The following BCAR1 variants were observed in gnomAD, a reference collection of about 807,000 sequenced individuals.
BCAR1 encodes the protein breast cancer anti-estrogen resistance protein 1.
A neutral mutation model predicts 67.6 loss-of-function variants in BCAR1; 30 were observed. The ratio of observed to expected loss-of-function variants is 0.44; its 90% CI spans 0.33 to 0.60. The LOEUF (loss-of-function observed/expected upper bound fraction) is 0.60, where lower values mean the gene tolerates loss of function less well. Ranked by LOEUF, BCAR1 falls within the 20% of genes least tolerant of loss-of-function variation. The probability of loss-of-function intolerance (pLI) is 0.02; values close to 1 mark genes in which losing one functional copy is unlikely to be tolerated. For missense variants in BCAR1, 1,313 were observed against 1,222.3 expected (o/e 1.07, Z -1.11); for synonymous variants, 626 against 556.7 (o/e 1.12, Z -1.75).
At chr16:75,258,047 G>A (rs2077821787) in intron 1 of BCAR1, among the ~76,000 whole-genome samples, 1 of 152,186 alleles carries the variant, frequency 6.6e-6, no homozygotes. Flanking sequence ...TGGCACAGGT[G>A]GCCGGCAAAC....
chr16:75,252,263 G>A, upstream of BCAR1: 6 of 1,536,712 alleles, frequency 3.9e-6, no homozygotes, highest in Non-Finnish European at 5.2e-6. Flanking sequence ...GACATCTGGG[G>A]ACTCGGGCTG....
chr16:75,266,711 C>T (rs2078014172), intron 1 of BCAR1: 22 of 1,409,134 alleles, frequency 1.6e-5, no homozygotes, highest in Non-Finnish European at 1.9e-5. Context: ...TGAGATCCCT[C>T]ACCCACTCAA....
chr16:75,248,017 A>G lies in BCAR1; in HGVS notation c.12+3454T>C, dbSNP rs757362813. 6.4e-6 allele frequency: 8 copies of G among 1,250,720 alleles called. No individual in the cohort carries two copies. The Admixed American group carries it at 1.3e-4, about 21-fold the overall frequency. The allele number at this position is 1,250,720 out of a possible 1,614,324, so 77.5% of individuals were successfully genotyped here. ...CTCTTTCCCACACAGCCACCAGCTCATTTAACCCTCAAAACAACCCCATAA... is the reference window on the plus strand; with the variant it reads ...CTCTTTCCCACACAGCCACCAGCTCGTTTAACCCTCAAAACAACCCCATAA... On this transcript the variant is annotated intron_variant, in intron 1 of 6. Coordinates refer to ENST00000162330, the MANE Select transcript of BCAR1 (RefSeq NM_014567.5).
intron 2 of BCAR1, chr16:75,239,175 C>T (rs1372961037): frequency 1.1e-6 from 1 of 927,878 alleles, no homozygotes; most frequent in Non-Finnish European, 1.3e-6. Context: ...GACTCAGCCC[C>T]ACTGCTAATC....
chr16:75,233,931 T>C lies in BCAR1; in HGVS notation c.2015A>G (p.Lys672Arg). The C allele has an allele frequency of 6.2e-7, 1 of 1,605,294 alleles. No homozygotes were observed. The highest frequency in any genetic ancestry group is 8.5e-7 in the Non-Finnish European group (1 of 1,175,762). ...EDYDYVHLQG[K>R]EEFEKTQKEL... Reference sequence around the variant, plus strand: ...CTTCTGGGTCTTCTCAAACTCCTCCTTCCCCTGGAGGGCAGAGACAGGGGC... The same window carrying C: ...CTTCTGGGTCTTCTCAAACTCCTCCCTCCCCTGGAGGGCAGAGACAGGGGC... The change falls in exon 6 of 7, where the codon AAG becomes AGG. Residue 672 changes from lysine (K) to arginine (R), a missense_variant. Lys to Arg is a conservative substitution (Grantham distance 26). Coordinates refer to ENST00000162330, the MANE Select transcript of BCAR1 (RefSeq NM_014567.5).
intron 1 of BCAR1, chr16:75,264,567 A>G: frequency 7.4e-7 from 1 of 1,354,930 alleles, no homozygotes; most frequent in Non-Finnish European, 9.5e-7. Flanking sequence ...GGCGGGGCTC[A>G]CATCAGCACA....
In BCAR1 at chr16:75,265,945, T is replaced by A. The variant is rs912006323; in HGVS notation, c.66+1970A>T. On this transcript the variant is annotated intron_variant, in intron 1 of 6. Transcript: ENST00000393422. ...GCGAGGGGTCCCGGCGCTTTCCGGC[T>A]CCTCCGGCTCCTGAGCGTTCCCGGA... 19 of 1,083,684 alleles carry A rather than the reference T, an allele frequency of 1.8e-5. No homozygotes were observed. In the African/African-American group the frequency reaches 2.5e-4, roughly 14 times the overall value. The allele number at this position is 1,083,684 out of a possible 1,614,324, so 67.1% of individuals were successfully genotyped here.
upstream of BCAR1, chr16:75,251,646 A>T (rs1469746917): frequency 4.0e-6 from 4 of 1,000,418 alleles, no homozygotes; most frequent in Non-Finnish European, 4.8e-6. Context: ...GCCTGCCGCC[A>T]CGGCCCAGCC....
Position 75,236,119 on chromosome 16 carries a change from C to A in BCAR1, c.913-133G>T, listed in dbSNP as rs1488270973. The A allele has an allele frequency of 6.1e-6, 7 of 1,152,492 alleles. No individual in the cohort carries two copies. In the African/African-American group the frequency reaches 1.1e-4, roughly 18 times the overall value. 71.4% of individuals were successfully genotyped at this position (1,152,492 alleles called of 1,614,324 possible). On this transcript the variant is annotated intron_variant, in intron 4 of 6. Transcript: ENST00000162330. ...ACACACACAGAGGCACGCGCACACA[C>A]ACAGGCACACATACAAATGCAGAGG...
upstream of BCAR1, among the ~76,000 whole-genome samples, chr16:75,253,628 T>C (rs891801593): frequency 3.3e-5 from 5 of 152,102 alleles, no homozygotes; most frequent in African/African-American, 1.2e-4. Flanking sequence ...AAAAATTTGC[T>C]CCTTTTCCAC....
At chr16:75,233,794 G>A (rs950974188) in intron 6 of BCAR1, 52 bp downstream of exon 6, 9 of 1,530,542 alleles carry the variant, frequency 5.9e-6, no homozygotes, top group African/African-American at 1.4e-5. Context: ...AGAGCTGGGG[G>A]CTCAGGGGGT....
chr16:75,251,421 G>T, intron 1 of BCAR1, 50 bp downstream of exon 1: 1 of 1,477,082 alleles, frequency 6.8e-7, no homozygotes. Context: ...CTTCCAGCCC[G>T]CTGCCGCCTC....
chr16:75,235,447 G>A lies in BCAR1; in HGVS notation c.1452C>T (p.Ala484=), dbSNP rs531807345. The part of the protein sequence containing the change: ...VAHLLDLAGS[A]GATGSWRSPS... ...GGCTACGCCAGCTCCCAGTCGCACC[G>A]GCGCTGCCTGCCAGGTCCAGAAGGT... The change falls in exon 5 of 7, where the codon GCC becomes GCT. Residue 484 remains alanine (A), a synonymous_variant. Coordinates refer to ENST00000162330, the MANE Select transcript of BCAR1 (RefSeq NM_014567.5). 3.4e-5 allele frequency: 54 copies of A among 1,607,324 alleles called. No individual in the cohort carries two copies. The highest frequency in any genetic ancestry group is 1.5e-4 in the African/African-American group (11 of 74,986).
At chr16:75,254,653 G>A (rs913175360), upstream of BCAR1, among the ~76,000 whole-genome samples, 1 of 152,244 alleles carries the variant, frequency 6.6e-6, no homozygotes, top group African/African-American at 2.4e-5. Flanking sequence ...GGGAGAGGTT[G>A]TTGCCAGACC....
At position 75,235,087 on chromosome 16, in the gene BCAR1, G is replaced by C. The variant is rs2077056417; in HGVS notation, c.1812C>G (p.Leu604=). ...ASFLHGNASL[L]FRRTKATAPG... ...GGGCAGTGGCCTTGGTCCGTCTGAA[G>C]AGCAGTGAGGCATTGCCGTGCAGGA... Residue 604 remains leucine, a synonymous_variant, in exon 5 of 7, where the codon CTC becomes CTG. Transcript: ENST00000162330. 1.2e-6 allele frequency: 2 copies of C among 1,612,508 alleles called. No individual in the cohort carries two copies. Among genetic ancestry groups the C allele is most frequent in the African/African-American group, 1.3e-5 (1 of 74,938 alleles).
intron 2 of BCAR1, among the ~76,000 whole-genome samples, chr16:75,242,188 A>G (rs148042623): frequency 0.03 from 4,592 of 152,322 alleles, 103 homozygotes; most frequent in Middle Eastern, 0.11. Flanking sequence ...CCGCCTGCCC[A>G]CTGGAACGCC....
Position 75,247,807 on chromosome 16 carries a change from G to A in BCAR1, c.12+3664C>T, listed in dbSNP as rs1314808169. The A allele has an allele frequency of 5.5e-6, 3 of 541,374 alleles. No individual in the cohort carries two copies. In the East Asian group the frequency reaches 9.5e-5, roughly 17 times the overall value. 33.5% of individuals were successfully genotyped at this position (541,374 alleles called of 1,614,324 possible). Reference sequence around the variant, plus strand: ...TATCTGGCCTGCACCCTTTCACCCAGCAAATATGACCTCAGCACCCGCAAG... The same window carrying A: ...TATCTGGCCTGCACCCTTTCACCCAACAAATATGACCTCAGCACCCGCAAG... On this transcript the variant is annotated intron_variant, in intron 1 of 6. Transcript: ENST00000162330.
chr16:75,243,467 A>G, intron 1 of BCAR1: 1 of 554,576 alleles, frequency 1.8e-6, no homozygotes, highest in Non-Finnish European at 3.5e-6. Context: ...TAAAACAAAT[A>G]GCAAATGGTT....
intron 1 of BCAR1, among the ~76,000 whole-genome samples, chr16:75,262,564 G>A (rs1222531387): frequency 6.6e-6 from 1 of 152,186 alleles, no homozygotes; most frequent in African/African-American, 2.4e-5. Flanking sequence ...TGGGGCCTGA[G>A]CTGCGGACTT....
Sources: gnomAD v4.1 joint callset for allele counts (sites outside exome capture counted in the v4.1 genomes callset) on GRCh38, gnomAD v4.1.1 for gene constraint, MANE v1.5 for transcripts, NCBI Gene and HGNC (gene_info 2026-07-23, HGNC 2026-07-21) for gene names.